SORCS3: variants seen among roughly 807,000 people sequenced by gnomAD.
SORCS3 encodes the protein sortilin related VPS10 domain containing receptor 3, also known as VPS10 domain-containing receptor SorCS3.
Under a neutral mutation model 146.3 loss-of-function variants are expected in SORCS3, and 57 were observed. The ratio of observed to expected loss-of-function variants is 0.39; its 90% confidence interval spans 0.31 to 0.49. The LOEUF is 0.49. Ranked by LOEUF, SORCS3 falls within the 20% of genes least tolerant of loss-of-function variation. The probability of loss-of-function intolerance (pLI) is 0.92; values close to 1 mark genes in which losing one functional copy is unlikely to be tolerated. For synonymous variants in SORCS3, 653 were observed against 618.5 expected, an observed-to-expected ratio of 1.06 and a Z score of -0.83; for missense variants, 1,341 against 1,575.5, an observed-to-expected ratio of 0.85 and a Z score of 2.52.
intron 1 of SORCS3, among the ~76,000 whole-genome samples, chr10:104,750,690 C>A (rs901013767): frequency 6.6e-6 from 1 of 152,068 alleles, no homozygotes; most frequent in Admixed American, 6.6e-5. Flanking sequence ...TCTAACAGAA[C>A]AAAATGTAGC....
chr10:104,734,320 T>C (rs559486870), intron 1 of SORCS3, among the ~76,000 whole-genome samples: 24 of 152,300 alleles, frequency 1.6e-4, no homozygotes, highest in African/African-American at 5.3e-4. Context: ...TCCTTTTAGC[T>C]CTAGAAGAAA....
intron 2 of SORCS3, among the ~76,000 whole-genome samples, chr10:104,915,476 G>T (rs757250886): frequency 1.4e-5 from 2 of 144,532 alleles, no homozygotes; most frequent in South Asian, 2.5e-4. Flanking sequence ...GGGTCCGCTG[G>T]TGGGAACTTG....
chr10:105,164,175 A>C, intron 11 of SORCS3, 128 bp from the exon 12 acceptor site: 1 of 700,636 alleles, frequency 1.4e-6, no homozygotes, highest in Non-Finnish European at 2.5e-6. Context: ...ACACCAGAAA[A>C]GAAACTGCAC....
At chr10:104,720,819 G>T (rs1246897739) in intron 1 of SORCS3, among the ~76,000 whole-genome samples, 3 of 152,080 alleles carry the variant, frequency 2.0e-5, no homozygotes, top group Non-Finnish European at 4.4e-5. Flanking sequence ...TTGTTGATGG[G>T]GTTGTTTGTT....
At chr10:104,959,421 C>T (rs2054778668) in intron 3 of SORCS3, among the ~76,000 whole-genome samples, 1 of 152,138 alleles carries the variant, frequency 6.6e-6, no homozygotes, top group African/African-American at 2.4e-5. Flanking sequence ...CTCCTCATTA[C>T]ATCACATGAG....
At chr10:104,850,517 C>T (rs564315441) in intron 2 of SORCS3, among the ~76,000 whole-genome samples, 23 of 152,074 alleles carry the variant, frequency 1.5e-4, no homozygotes, top group Non-Finnish European at 2.5e-4. Flanking sequence ...CTCAGGAGGT[C>T]GAGGCTACAG....
chr10:104,820,361 C>G (rs1418170264), intron 1 of SORCS3, among the ~76,000 whole-genome samples: 2 of 152,162 alleles, frequency 1.3e-5, no homozygotes, highest in Non-Finnish European at 2.9e-5. Context: ...TTGTCATTAA[C>G]TGGAATTTAT....
intron 13 of SORCS3, among the ~76,000 whole-genome samples, chr10:105,170,236 A>G (rs998642975): frequency 6.6e-6 from 1 of 152,140 alleles, no homozygotes; most frequent in Admixed American, 6.5e-5. Context: ...TTCCAAACGG[A>G]GTACTTGTCT....
At chr10:104,714,278 CT>C (rs1172360561) in intron 1 of SORCS3, among the ~76,000 whole-genome samples, 6 of 151,774 alleles carry the variant, frequency 4.0e-5, no homozygotes, top group African/African-American at 1.5e-4. Flanking sequence ...TTTCTTCTTT[CT>C]TTTTTTCTCA....
intron 1 of SORCS3, among the ~76,000 whole-genome samples, chr10:104,806,369 A>G (rs1042192081): frequency 6.6e-6 from 1 of 152,220 alleles, no homozygotes; most frequent in African/African-American, 2.4e-5. Flanking sequence ...ATGTCTCTGA[A>G]TGTGACTTAT....
At chr10:105,173,881 G>C (rs907737278) in intron 13 of SORCS3, among the ~76,000 whole-genome samples, 2 of 152,064 alleles carry the variant, frequency 1.3e-5, no homozygotes, top group African/African-American at 2.4e-5. Flanking sequence ...TTATCATTTA[G>C]ATTTCAGTGT....
At chr10:104,913,921 AC>A (rs1210447743) in intron 2 of SORCS3, among the ~76,000 whole-genome samples, 1 of 152,028 alleles carries the variant, frequency 6.6e-6, no homozygotes, top group African/African-American at 2.4e-5. Context: ...GGTGTGTGCC[AC>A]CATGCCCAGC....
intron 7 of SORCS3, among the ~76,000 whole-genome samples, chr10:105,110,942 C>G (rs1467762444): frequency 6.6e-6 from 1 of 152,156 alleles, no homozygotes; most frequent in African/African-American, 2.4e-5. Context: ...AATATTTCTA[C>G]ATTCAGTGGC....
chr10:104,641,709 G>C lies in SORCS3; in HGVS notation c.382G>C (p.Ala128Pro). The C allele has an allele frequency of 1.3e-6, 2 of 1,539,478 alleles. No individual in the cohort carries two copies. Among genetic ancestry groups the C allele is most frequent in the Non-Finnish European group, 1.7e-6 (2 of 1,144,556 alleles). Residue 128 changes from alanine to proline, a missense_variant, in exon 1 of 27, where the codon GCG becomes CCG. Ala to Pro is a conservative substitution (Grantham distance 27, BLOSUM62 -1). Coordinates refer to ENST00000369701, the MANE Select transcript of SORCS3 (RefSeq NM_014978.3). The surrounding 1 kb of genome is among the most constrained non-coding windows in gnomAD (Gnocchi z 6.4). Reference protein sequence around the residue: ...GIPAPAKLGGARRSRRAQPPI... With the variant: ...GIPAPAKLGGPRRSRRAQPPI... ...CCCAGCTCCTGCCAAGCTTGGCGGC[G>C]CGAGGAGGAGTCGCCGGGCGCAGCC...
At chr10:105,211,289 CCT>C in intron 17 of SORCS3, 39 bp downstream of exon 17, 1 of 1,415,870 alleles carries the variant, frequency 7.1e-7, no homozygotes, top group Non-Finnish European at 1.0e-6. Context: ...TCCCTGTTTT[CCT>C]GTTTCTCTAA....
intron 5 of SORCS3, among the ~76,000 whole-genome samples, chr10:105,089,252 A>G (rs1472574900): frequency 6.6e-6 from 1 of 152,220 alleles, no homozygotes; most frequent in Non-Finnish European, 1.5e-5. Context: ...CAAGGCAGGA[A>G]TAAAGAAGGA....
intron 9 of SORCS3, among the ~76,000 whole-genome samples, chr10:105,153,645 ATG>A (rs372134420): frequency 0.36 from 53,212 of 145,884 alleles, 11,431 homozygotes; most frequent in African/African-American, 0.62. Flanking sequence ...GTGTGTGTGT[ATG>A]TGTGTGTGTG....
intron 5 of SORCS3, among the ~76,000 whole-genome samples, chr10:105,087,837 A>T (rs960334206): frequency 9.2e-5 from 14 of 152,374 alleles, no homozygotes; most frequent in African/African-American, 3.4e-4. Flanking sequence ...GCACATGGAA[A>T]TCACCTGCGA....
intron 5 of SORCS3, among the ~76,000 whole-genome samples, chr10:105,078,034 G>T (rs1242744286): frequency 6.6e-6 from 1 of 152,192 alleles, no homozygotes; most frequent in Non-Finnish European, 1.5e-5. Flanking sequence ...TTCACAGGAC[G>T]ATCACATTTG....
Sources: gnomAD v4.1 joint callset for allele counts (sites outside exome capture counted in the v4.1 genomes callset) on GRCh38, gnomAD v4.1.1 for gene constraint, Gnocchi (gnomAD v3.1) non-coding constraint, MANE v1.5 for transcripts, NCBI Gene and HGNC (gene_info 2026-07-23, HGNC 2026-07-21) for gene names.